UMODL1: variants seen among roughly 807,000 people sequenced by gnomAD.
UMODL1 encodes the protein uromodulin like 1, also known as uromodulin-like 1.
A neutral mutation model predicts 136.3 loss-of-function variants in UMODL1; 128 were observed. That is an observed-to-expected ratio of 0.94 (90% confidence interval 0.81 to 1.09). UMODL1 has a LOEUF of 1.09. Ranked by LOEUF, UMODL1 falls within the 50% of genes least tolerant of loss-of-function variation. UMODL1 has a pLI of 0.00. For synonymous variants in UMODL1, 721 were observed against 720.0 expected, an observed-to-expected ratio of 1.00 and a Z score of -0.02; for missense variants, 1,766 against 1,725.6, an observed-to-expected ratio of 1.02 and a Z score of -0.41.
intron 14 of UMODL1, among the ~76,000 whole-genome samples, chr21:42,117,785 A>G (rs569358129): frequency 4.9e-4 from 74 of 152,352 alleles, no homozygotes; most frequent in African/African-American, 1.6e-3. Flanking sequence ...TTCATTGATA[A>G]GGTTAAATAG....
rs534943521 is a variant in UMODL1 at position 42,096,493 on chromosome 21, C to T, written c.932-2433C>T. Among the ~76,000 whole-genome samples the T allele has an allele frequency of 2.0e-5, 3 of 152,310 alleles. No homozygotes were observed. In the South Asian group the frequency reaches 6.2e-4, roughly 32 times the overall value. ...CCCCGTACCCTGTGAGACTTCTTTCCAAACACCATTCCTCTGCGTTCTTTT... is the reference window on the plus strand; with the variant it reads ...CCCCGTACCCTGTGAGACTTCTTTCTAAACACCATTCCTCTGCGTTCTTTT... On this transcript the variant is annotated intron_variant, in intron 6 of 22. Transcript: ENST00000408910.
At chr21:42,075,102 G>C (rs1378795088) in intron 1 of UMODL1, among the ~76,000 whole-genome samples, 1 of 152,072 alleles carries the variant, frequency 6.6e-6, no homozygotes, top group Non-Finnish European at 1.5e-5. Flanking sequence ...CTTTCACCAT[G>C]TTAGCCAGGG....
chr21:42,066,011 C>G (rs1299803287), intron 1 of UMODL1, among the ~76,000 whole-genome samples: 1 of 152,192 alleles, frequency 6.6e-6, no homozygotes, highest in Non-Finnish European at 1.5e-5. Context: ...ATTCTTTGTC[C>G]TAACGTTATT....
At position 42,111,079 on chromosome 21, in the gene UMODL1, C is replaced by T. The variant is rs200527505; in HGVS notation, c.1857C>T (p.Val619=). The T allele has an allele frequency of 3.8e-4, 616 of 1,612,988 alleles. No individual in the cohort carries two copies. The highest frequency in any genetic ancestry group is 7.8e-4 in the East Asian group (35 of 44,856). ...CCAGAAGAGGGGGCAGCAATGTGGT[C>T]GGGTATGACAGGAACAACACAGGAA... is the stretch of plus-strand genomic sequence containing the variant. ...PSPRRGGSNV[V]GYDRNNTGKG... Residue 619 remains valine, a synonymous_variant, in exon 11 of 23, where the codon GTC becomes GTT. Transcript: ENST00000408910.
At chr21:42,102,485 T>G in intron 8 of UMODL1, 1 of 446,570 alleles carries the variant, frequency 2.2e-6, no homozygotes, top group Non-Finnish European at 4.0e-6. Flanking sequence ...ATCCAGATAC[T>G]GGGCCAATCC....
chr21:42,070,292 C>T (rs190953687), upstream of UMODL1, among the ~76,000 whole-genome samples: 278 of 152,254 alleles, frequency 1.8e-3, no homozygotes, highest in African/African-American at 6.4e-3. Flanking sequence ...CTTCTTCATC[C>T]AATGTTAAAA....
chr21:42,087,310 A>C (rs2066437430), intron 4 of UMODL1, among the ~76,000 whole-genome samples: 1 of 151,990 alleles, frequency 6.6e-6, no homozygotes, highest in South Asian at 2.1e-4. Context: ...CTGTATGCTA[A>C]ATTATGAGCT....
chr21:42,084,708 G>A (rs2066405071), intron 3 of UMODL1, among the ~76,000 whole-genome samples: 1 of 151,394 alleles, frequency 6.6e-6, no homozygotes, highest in African/African-American at 2.4e-5. Context: ...GGGAGAATGG[G>A]ATGGCCTATA....
chr21:42,104,106 C>T lies in UMODL1; in HGVS notation c.1519+19C>T. The T allele has an allele frequency of 6.3e-7, 1 of 1,593,814 alleles. No individual in the cohort carries two copies. The highest frequency in any genetic ancestry group is 8.6e-7 in the Non-Finnish European group (1 of 1,166,418). On this transcript the variant is annotated intron_variant, in intron 9 of 22. Transcript: ENST00000408910. Reference sequence around the variant, plus strand: ...GTGCAAGGTATGGCCCAGCCACCCGCCCTGCTGCCTGGTGTCCTCCAGCTC... The same window carrying T: ...GTGCAAGGTATGGCCCAGCCACCCGTCCTGCTGCCTGGTGTCCTCCAGCTC...
intron 6 of UMODL1, among the ~76,000 whole-genome samples, chr21:42,094,456 G>C (rs2066529694): frequency 6.6e-6 from 1 of 152,192 alleles, no homozygotes; most frequent in Non-Finnish European, 1.5e-5. Context: ...GGTTGGGGAG[G>C]GCTGTGGAGC....
At chr21:42,126,545 G>T (rs545860429) in intron 18 of UMODL1, 55 bp downstream of exon 18, 3 of 1,611,710 alleles carry the variant, frequency 1.9e-6, no homozygotes, top group African/African-American at 1.3e-5. Flanking sequence ...GACCACCTGC[G>T]CTTTGAGAGT....
intron 3 of UMODL1, among the ~76,000 whole-genome samples, chr21:42,084,881 A>G (rs1056126797): frequency 1.8e-4 from 28 of 151,428 alleles, no homozygotes; most frequent in African/African-American, 6.5e-4. Flanking sequence ...TATATATCAT[A>G]TTACATATGA....
At chr21:42,067,189 G>C (rs1326087386), upstream of UMODL1, among the ~76,000 whole-genome samples, 1 of 152,034 alleles carries the variant, frequency 6.6e-6, no homozygotes, top group Non-Finnish European at 1.5e-5. Flanking sequence ...GGCCAGGCTG[G>C]TCTTGAACTC....
At chr21:42,106,972 G>A (rs754404709) in intron 9 of UMODL1, among the ~76,000 whole-genome samples, 1 of 152,192 alleles carries the variant, frequency 6.6e-6, no homozygotes, top group Admixed American at 6.5e-5. Context: ...CCCCTCCAGC[G>A]TTCAGGGCTA....
intron 9 of UMODL1, among the ~76,000 whole-genome samples, chr21:42,105,439 A>C (rs2066701697): frequency 6.6e-6 from 1 of 152,212 alleles, no homozygotes; most frequent in Admixed American, 6.5e-5. Context: ...CCTCGGCAGC[A>C]GGGATGTCGT....
rs1426378161 is a variant in UMODL1 at position 42,115,887 on chromosome 21, A to G, written c.2377A>G (p.Ile793Val). The change falls in exon 14 of 23, where the codon ATT (isoleucine) becomes GTT (valine). Residue 793 changes from isoleucine (I) to valine (V), a missense_variant. By Grantham distance (29) the Ile-to-Val change is conservative. Transcript: ENST00000408910. ...CCATCCTGCAGCAGCCCGGAAGCTC[A>G]TTGGAAAGGTCAGAATCAAAAATGT... is the stretch of plus-strand genomic sequence containing the variant. ...LKVRTAARKLIGKVRIKNVRY... is the reference protein window; with the variant it reads ...LKVRTAARKLVGKVRIKNVRY... 9 of 1,614,038 alleles carry G rather than the reference A, an allele frequency of 5.6e-6. No homozygotes were observed. Among genetic ancestry groups the G allele is most frequent in the Non-Finnish European group, 7.6e-6 (9 of 1,179,926 alleles).
chr21:42,108,115 T>G (rs945291213), intron 9 of UMODL1, among the ~76,000 whole-genome samples: 1 of 152,196 alleles, frequency 6.6e-6, no homozygotes, highest in Non-Finnish European at 1.5e-5. Context: ...TGAGCTCGCT[T>G]GGGAGCTGTC....
intron 2 of UMODL1, among the ~76,000 whole-genome samples, chr21:42,079,833 G>A (rs114708919): frequency 6.6e-6 from 1 of 152,212 alleles, no homozygotes; most frequent in African/African-American, 2.4e-5. Context: ...GATTTTTGGG[G>A]GTTTACCAAG....
intron 7 of UMODL1, among the ~76,000 whole-genome samples, chr21:42,100,452 G>T (rs1387362329): frequency 6.6e-6 from 1 of 151,978 alleles, no homozygotes; most frequent in African/African-American, 2.4e-5. Context: ...ATAGCAGCCA[G>T]CACGGGCATC....
Sources: allele counts gnomAD v4.1 joint callset (sites outside exome capture counted in the v4.1 genomes callset), GRCh38; gene constraint gnomAD v4.1.1; transcripts MANE v1.5; gene names NCBI Gene and HGNC (gene_info 2026-07-23, HGNC 2026-07-21).